The following MTMR2 variants were observed in gnomAD, a reference collection of about 807,000 sequenced individuals.
The protein encoded by MTMR2 is phosphatidylinositol-3,5-bisphosphate 3-phosphatase MTMR2.
Under a neutral mutation model 86.9 loss-of-function variants are expected in MTMR2, and 55 were observed. The ratio of observed to expected loss-of-function variants is 0.63; its 90% CI spans 0.51 to 0.79. The LOEUF (loss-of-function observed/expected upper bound fraction) is 0.79, where lower values mean the gene tolerates loss of function less well. Ranked by LOEUF, MTMR2 falls within the 30% of genes least tolerant of loss-of-function variation. The pLI, the probability that MTMR2 is intolerant of heterozygous loss-of-function variation, is 0.00. For missense variants in MTMR2, 659 were observed against 772.3 expected (o/e 0.85, Z 1.74); for synonymous variants, 241 against 266.8 (o/e 0.90, Z 0.94).
rs78127642 is a variant in MTMR2, at chr11:95,901,374, A to G, written c.81-13113T>C. ...TACAGTACCTAGAATTATACCAAAT[A>G]TTTTTTAAAACTGTCCCTTTCACAT... On this transcript the variant is annotated intron_variant, in intron 1 of 14. Transcript: ENST00000346299. 4.9e-4 allele frequency among the ~76,000 whole-genome samples: 75 copies of G among 152,244 alleles called. No homozygotes were observed. The East Asian group carries it at 0.013, about 27-fold the overall frequency.
chr11:95,869,811 C>A (rs975197549), intron 2 of MTMR2, among the ~76,000 whole-genome samples: 2 of 149,298 alleles, frequency 1.3e-5, no homozygotes, highest in South Asian at 2.1e-4. Flanking sequence ...CAGTCCATAT[C>A]GTATGGGTCC....
chr11:95,846,787 A>G (rs1018453340), intron 10 of MTMR2, among the ~76,000 whole-genome samples: 1 of 152,150 alleles, frequency 6.6e-6, no homozygotes, highest in African/African-American at 2.4e-5. Flanking sequence ...ACATAATTTA[A>G]TGAATGGGCC....
intron 1 of MTMR2, among the ~76,000 whole-genome samples, chr11:95,904,061 G>A (rs1012403413): frequency 6.6e-6 from 1 of 152,026 alleles, no homozygotes; most frequent in African/African-American, 2.4e-5. Flanking sequence ...GTTGCAGTGG[G>A]CCAAGATCAC....
Position 95,847,897 on chromosome 11 carries a change from T to A in MTMR2, c.996A>T (p.Ala332=), listed in dbSNP as rs1475549491. The A allele has an allele frequency of 1.9e-6, 3 of 1,613,418 alleles. No individual in the cohort carries two copies. Among genetic ancestry groups the A allele is most frequent in the Non-Finnish European group, 2.5e-6 (3 of 1,179,640 alleles). ...RPSVNAVANK[A]KGGGYESEDA... is the part of the protein sequence containing the mutation. ...CTTCACTTTCATAACCTCCACCCTT[T>A]GCCTGGAAAAAAGCACACATCATGG... Residue 332 remains alanine (A), a splice_region_variant and synonymous_variant, in exon 10 of 15, where the codon GCA becomes GCT. Transcript: ENST00000346299.
At chr11:95,868,976 T>A (rs978627819) in intron 2 of MTMR2, among the ~76,000 whole-genome samples, 9 of 148,444 alleles carry the variant, frequency 6.1e-5, no homozygotes, top group Admixed American at 2.0e-4. Context: ...AAGAAAAAAA[T>A]ATCTTAAACT....
intron 3 of MTMR2, 92 bp from the exon 4 acceptor site, chr11:95,862,458 A>G: frequency 2.1e-6 from 2 of 962,658 alleles, no homozygotes; most frequent in Non-Finnish European, 3.3e-6. Flanking sequence ...TTCCTAGACT[A>G]ATTTATGCTG....
intron 2 of MTMR2, chr11:95,887,693 C>A: frequency 5.7e-6 from 1 of 174,616 alleles, no homozygotes; most frequent in Non-Finnish European, 1.2e-5. Flanking sequence ...GGCTGGAACA[C>A]CGGCAATAGA....
At chr11:95,888,765 T>A (rs960704983) in intron 1 of MTMR2, among the ~76,000 whole-genome samples, 2 of 151,622 alleles carry the variant, frequency 1.3e-5, no homozygotes, top group Non-Finnish European at 2.9e-5. Flanking sequence ...CATACAAATA[T>A]CTATGGGAGA....
chr11:95,849,546 TGAA>T, intron 9 of MTMR2, 125 bp downstream of exon 9: 1 of 843,416 alleles, frequency 1.2e-6, no homozygotes. Flanking sequence ...ACCATCAAGT[TGAA>T]GAGCCAAGAC....
rs192266760 is a variant in MTMR2 at position 95,833,455 on chromosome 11, A to C, written c.*1835T>G. 2 of 152,210 alleles carry C rather than the reference A, an allele frequency of 1.3e-5. No individual in the cohort carries two copies. Among genetic ancestry groups the C allele is most frequent in the African/African-American group, 4.8e-5 (2 of 41,546 alleles). 9.4% of individuals were successfully genotyped at this position (152,210 alleles called of 1,614,324 possible). A position where few individuals can be genotyped will look rare whatever the true frequency, so the allele number is the denominator to read the frequency against. ...TATTCCTCCTCCCTCCCTCCCACAC[A>C]CACCAGTGGTATATATTAAATGCCC... On this transcript the variant is annotated 3_prime_UTR_variant, in exon 15 of 15. Transcript: ENST00000346299.
chr11:95,879,612 T>C (rs532269892), intron 2 of MTMR2, among the ~76,000 whole-genome samples: 25 of 152,294 alleles, frequency 1.6e-4, no homozygotes, highest in Middle Eastern at 3.4e-3. Context: ...CCACAGCCTC[T>C]TCTATCACTC....
chr11:95,920,776 T>C (rs1294012836), intron 1 of MTMR2, among the ~76,000 whole-genome samples: 1 of 152,218 alleles, frequency 6.6e-6, no homozygotes, highest in African/African-American at 2.4e-5. Context: ...TTAAAAAGTC[T>C]TTCTTTTTTA....
At chr11:95,838,316 C>G in intron 12 of MTMR2, 109 bp from the exon 13 acceptor site, 1 of 705,230 alleles carries the variant, frequency 1.4e-6, no homozygotes, top group Non-Finnish European at 2.6e-6. Context: ...GTTAAACATT[C>G]AAATCTACAT....
intron 13 of MTMR2, among the ~76,000 whole-genome samples, chr11:95,837,859 C>T (rs900843963): frequency 6.6e-6 from 1 of 151,980 alleles, no homozygotes; most frequent in Non-Finnish European, 1.5e-5. Flanking sequence ...TAGCAGAAAC[C>T]ACTTCCCACT....
intron 2 of MTMR2, among the ~76,000 whole-genome samples, chr11:95,872,773 T>A (rs1864940980): frequency 6.6e-6 from 1 of 152,202 alleles, no homozygotes; most frequent in African/African-American, 2.4e-5. Flanking sequence ...CTCTTATTAT[T>A]TTGAGATACG....
intron 8 of MTMR2, 119 bp from the exon 9 acceptor site, chr11:95,849,981 C>T (rs1863955390): frequency 2.2e-6 from 2 of 922,532 alleles, no homozygotes; most frequent in South Asian, 1.5e-5. Context: ...CATGAAAGGA[C>T]ATCTGAGGCT....
At chr11:95,861,961 A>C in intron 5 of MTMR2, 31 bp downstream of exon 5, 1 of 1,500,746 alleles carries the variant, frequency 6.7e-7, no homozygotes, top group Non-Finnish European at 9.2e-7. Context: ...TTTCAAACCA[A>C]AGAAAATCAC....
In MTMR2 at chr11:95,834,250, T is replaced by C. The variant is rs1863154069; in HGVS notation, c.*1040A>G. The stretch of plus-strand genomic sequence containing the variant: ...ACTCTTACTTGTAGCAGGTGAACAG[T>C]GAAGCAAGATTTCTTTTACTGGCTT... On this transcript the variant is annotated 3_prime_UTR_variant, in exon 15 of 15. Coordinates refer to ENST00000346299, the MANE Select transcript of MTMR2 (RefSeq NM_016156.6). 1 of 152,500 alleles carries C rather than the reference T, an allele frequency of 6.6e-6. No homozygotes were observed. Among genetic ancestry groups the C allele is most frequent in the South Asian group, 2.1e-4 (1 of 4,830 alleles). 9.4% of individuals were successfully genotyped at this position (152,500 alleles called of 1,614,324 possible).
intron 11 of MTMR2, among the ~76,000 whole-genome samples, chr11:95,843,471 C>T (rs1565347230): frequency 6.6e-6 from 1 of 152,242 alleles, no homozygotes; most frequent in East Asian, 1.9e-4. Context: ...CATATAACAA[C>T]TAACCTCTAA....
Sources: allele counts gnomAD v4.1 joint callset (sites outside exome capture counted in the v4.1 genomes callset), GRCh38; gene constraint gnomAD v4.1.1; transcripts MANE v1.5; gene names NCBI Gene and HGNC (gene_info 2026-07-23, HGNC 2026-07-21).